PCDHA1: variants seen among roughly 807,000 people sequenced by gnomAD.
The protein encoded by PCDHA1 is protocadherin alpha 1.
A neutral mutation model predicts 61.3 loss-of-function variants in PCDHA1; 42 were observed. The ratio of observed to expected loss-of-function variants is 0.69; its 90% CI spans 0.54 to 0.89. PCDHA1 has a LOEUF of 0.89. PCDHA1 is among the 40% of genes least tolerant of loss of function. The probability of loss-of-function intolerance (pLI) is 0.00; values close to 1 mark genes in which losing one functional copy is unlikely to be tolerated. For missense variants in PCDHA1, 1,256 were observed against 1,235.3 expected, an observed-to-expected ratio of 1.02 and a Z score of -0.25; for synonymous variants, 610 against 553.8, an observed-to-expected ratio of 1.10 and a Z score of -1.43.
At chr5:140,854,631 G>T (rs373536386) in intron 1 of PCDHA1, 1 of 149,874 alleles carries the variant, frequency 6.7e-6, no homozygotes, top group African/African-American at 2.4e-5. Context: ...CTTTAGAAAA[G>T]TCAAAACATC....
At position 140,832,519 on chromosome 5, in the gene PCDHA1, T is replaced by A. The variant is rs114374646; in HGVS notation, c.2394+43835T>A. 4.8e-3 allele frequency among the ~76,000 whole-genome samples: 727 copies of A among 152,336 alleles called. 10 individuals are homozygous for A. The highest frequency in any genetic ancestry group is 0.017 in the African/African-American group (702 of 41,586). ...GTGGCAGAATTGTCTCTGATTATAC[T>A]GAAGATCACCATTTGTGTAGCTAAT... is the stretch of plus-strand genomic sequence containing the variant. On this transcript the variant is annotated intron_variant, in intron 1 of 3. Coordinates refer to ENST00000504120, the MANE Select transcript of PCDHA1 (RefSeq NM_018900.4).
intron 1 of PCDHA1, chr5:140,876,229 GA>G: frequency 1.9e-6 from 3 of 1,613,978 alleles, no homozygotes; most frequent in Non-Finnish European, 2.5e-6. Context: ...AGTGTTGTCT[GA>G]AAATGTCCAA....
chr5:140,945,659 G>C (rs2093824580), intron 1 of PCDHA1, among the ~76,000 whole-genome samples: 1 of 152,090 alleles, frequency 6.6e-6, no homozygotes, highest in Non-Finnish European at 1.5e-5. Context: ...GCAGAATACA[G>C]CTCCCAGAAA....
At chr5:140,851,826 T>A (rs2042172303) in intron 1 of PCDHA1, 1 of 965,750 alleles carries the variant, frequency 1.0e-6, no homozygotes, top group Non-Finnish European at 1.3e-6. Context: ...GAAATCTGTT[T>A]TTTTAAAAAT....
intron 1 of PCDHA1, among the ~76,000 whole-genome samples, chr5:140,977,306 C>T (rs995052680): frequency 6.6e-6 from 1 of 152,150 alleles, no homozygotes; most frequent in African/African-American, 2.4e-5. Context: ...GACAAGCTAA[C>T]GATAGTGCTC....
At chr5:140,915,368 T>G (rs1281630689) in intron 1 of PCDHA1, among the ~76,000 whole-genome samples, 1 of 152,216 alleles carries the variant, frequency 6.6e-6, no homozygotes, top group Non-Finnish European at 1.5e-5. Flanking sequence ...TACCAGTAAG[T>G]GTCTCGGCAT....
Position 140,786,849 on chromosome 5 carries a change from G to A in PCDHA1, c.559G>A (p.Glu187Lys), listed in dbSNP as rs782173467. Reference sequence around the variant, plus strand: ...CTCTTTGGATGTAGAGGCAAGTGATGAACTGAGTAAATCTCTTTGGCTTGA... The same window carrying A: ...CTCTTTGGATGTAGAGGCAAGTGATAAACTGAGTAAATCTCTTTGGCTTGA... Reference protein sequence around the residue: ...YFSLDVEASDELSKSLWLELR... With the variant: ...YFSLDVEASDKLSKSLWLELR... The change falls in exon 1 of 4, where the codon GAA becomes AAA. Residue 187 changes from glutamate (E) to lysine (K), a missense_variant. Physicochemically the swap from Glu to Lys is moderately conservative, Grantham distance 56. Coordinates refer to ENST00000504120, the MANE Select transcript of PCDHA1 (RefSeq NM_018900.4). 1 of 1,614,188 alleles carries A rather than the reference G, an allele frequency of 6.2e-7. No individual in the cohort carries two copies. The highest frequency in any genetic ancestry group is 1.1e-5 in the South Asian group (1 of 91,086).
At chr5:140,950,706 G>A (rs72802969) in intron 1 of PCDHA1, among the ~76,000 whole-genome samples, 841 of 152,058 alleles carry the variant, frequency 5.5e-3, no homozygotes, top group Middle Eastern at 0.017. Flanking sequence ...ACAAATTTTT[G>A]TTCCTTATAT....
At chr5:140,863,157 C>A (rs782159779) in intron 1 of PCDHA1, 7 of 638,840 alleles carry the variant, frequency 1.1e-5, no homozygotes, top group South Asian at 5.4e-5. Flanking sequence ...AGGACCACTG[C>A]GAGCTGGCGC....
In PCDHA1 at chr5:140,836,401, G is replaced by T. The variant is rs2150259872; in HGVS notation, c.2394+47717G>T. 16 of 1,613,770 alleles carry T rather than the reference G, an allele frequency of 9.9e-6. 1 individual carries two copies. The African/African-American group carries it at 2.0e-4, about 20-fold the overall frequency. On this transcript the variant is annotated intron_variant, in intron 1 of 3. Transcript: ENST00000504120. ...GTGCTGGTGTCGCTGGTGGAAAGCG[G>T]CCAGGCACCAAAGGCGTCGTCGCGG...
rs782061977 is a variant in PCDHA1 at position 140,870,205 on chromosome 5, A to C, written c.2394+81521A>C. 2.5e-6 allele frequency: 4 copies of C among 1,614,148 alleles called. No homozygotes were observed. The South Asian group carries it at 4.4e-5, about 18-fold the overall frequency. On this transcript the variant is annotated intron_variant, in intron 1 of 3. Transcript: ENST00000504120. Reference sequence around the variant, plus strand: ...AGAGGACGCTCAGCCCAGCACGGTCATTGCCCTGATCAGCGTGTCTGACCG... The same window carrying C: ...AGAGGACGCTCAGCCCAGCACGGTCCTTGCCCTGATCAGCGTGTCTGACCG...
intron 1 of PCDHA1, chr5:140,856,843 T>G: frequency 6.3e-7 from 1 of 1,593,286 alleles, no homozygotes; most frequent in South Asian, 1.1e-5. Context: ...GGCTCAACGC[T>G]TCTGATTCGG....
intron 1 of PCDHA1, among the ~76,000 whole-genome samples, chr5:140,950,025 T>C (rs907309880): frequency 6.6e-6 from 1 of 151,922 alleles, no homozygotes; most frequent in East Asian, 1.9e-4. Context: ...TCATAAAATA[T>C]AGAAAAGTTA....
At position 140,865,331 on chromosome 5, in the gene PCDHA1, TAAAG is replaced by T. The variant is rs2048827631; in HGVS notation, c.2394+76651_2394+76654del. 4 of 152,230 alleles carry T rather than the reference TAAAG, an allele frequency of 2.6e-5. No homozygotes were observed. The South Asian group carries it at 8.3e-4, about 31-fold the overall frequency. The allele number at this position is 152,230 out of a possible 1,614,324, so 9.4% of individuals were successfully genotyped here. On this transcript the variant is annotated intron_variant, in intron 1 of 3. Transcript: ENST00000504120. ...AAATGAGATGGCCTTTAATTCTGTGTAAAGAAATAGTATATTTACATATTGCAGG... is the reference window on the plus strand; with the variant it reads ...AAATGAGATGGCCTTTAATTCTGTGTAAATAGTATATTTACATATTGCAGG...
intron 1 of PCDHA1, chr5:140,809,539 T>A (rs782730163): frequency 6.2e-6 from 10 of 1,613,610 alleles, no homozygotes; most frequent in Non-Finnish European, 8.5e-6. Context: ...ACAGAGAAGA[T>A]CAGCTGCAGA....
At chr5:140,999,143 A>G (rs2097848811) in intron 3 of PCDHA1, among the ~76,000 whole-genome samples, 1 of 152,214 alleles carries the variant, frequency 6.6e-6, no homozygotes, top group Non-Finnish European at 1.5e-5. Context: ...CACAGCCGGA[A>G]GTCTTCAGTC....
intron 1 of PCDHA1, among the ~76,000 whole-genome samples, chr5:140,957,650 C>T (rs1239447979): frequency 1.3e-5 from 2 of 151,848 alleles, no homozygotes; most frequent in Non-Finnish European, 2.9e-5. Flanking sequence ...CTTAAATATT[C>T]AATCATGGAG....
intron 1 of PCDHA1, among the ~76,000 whole-genome samples, chr5:140,923,307 G>A (rs541732390): frequency 9.2e-5 from 14 of 152,288 alleles, no homozygotes; most frequent in African/African-American, 3.1e-4. Flanking sequence ...GCGTGGGGGC[G>A]CTTGGCCTAG....
chr5:140,849,097 A>G, intron 1 of PCDHA1: 2 of 1,481,690 alleles, frequency 1.3e-6, no homozygotes, highest in Non-Finnish European at 9.2e-7. Context: ...AAACTTTTAG[A>G]CAGAGAAGAA....
Sources: allele counts gnomAD v4.1 joint callset (sites outside exome capture counted in the v4.1 genomes callset), GRCh38; gene constraint gnomAD v4.1.1; transcripts MANE v1.5; gene names NCBI Gene and HGNC (gene_info 2026-07-23, HGNC 2026-07-21).